The following AMPD3 variants were observed in gnomAD, a reference collection of about 807,000 sequenced individuals.
AMPD3 encodes the protein adenosine monophosphate deaminase 3, also known as AMP deaminase 3.
Under a neutral mutation model 82.3 loss-of-function variants are expected in AMPD3, and 57 were observed. The observed-to-expected ratio is 0.69, with a 90% CI of 0.56 to 0.86. The LOEUF (loss-of-function observed/expected upper bound fraction) is 0.86. Among genes scored for constraint, AMPD3 ranks in the 40% least tolerant of loss-of-function variants. The pLI, the probability that AMPD3 is intolerant of heterozygous loss-of-function variation, is 0.00. For synonymous variants in AMPD3, 381 were observed against 394.7 expected (o/e 0.97, Z 0.41); for missense variants, 870 against 1,003.8 (o/e 0.87, Z 1.80).
rs202241696 is a variant in AMPD3, at chr11:10,456,459, C to T, written c.-6+1011C>T. ...GGCAAGAGTAGGAACCAGCTTCCTT[C>T]GTATAACGAGGGGATTTCAGTGGCA... On this transcript the variant is annotated intron_variant, in intron 1 of 14. Coordinates refer to ENST00000396553, the MANE Select transcript of AMPD3 (RefSeq NM_001025389.2). The surrounding 1 kb of genome is among the most constrained non-coding windows in gnomAD (Gnocchi z 4.3). 4.3e-5 allele frequency: 70 copies of T among 1,613,682 alleles called. No homozygotes were observed. The East Asian group carries it at 4.5e-4, about 10-fold the overall frequency.
rs746322150 is a variant in AMPD3 at position 10,495,030 on chromosome 11, G to A, written c.1266G>A (p.Lys422=). Residue 422 remains lysine (K), a splice_region_variant and synonymous_variant, in exon 8 of 15, where the codon AAG becomes AAA. Coordinates refer to ENST00000396553, the MANE Select transcript of AMPD3 (RefSeq NM_001025389.2). ...LGGEYFARMV[K]EVARELEESK... ...GAGAGTACTTTGCTCGGATGGTCAAGGTGAGTGAACCCTCAGTCTCTCTGA... is the reference window on the plus strand; with the variant it reads ...GAGAGTACTTTGCTCGGATGGTCAAAGTGAGTGAACCCTCAGTCTCTCTGA... The A allele has an allele frequency of 6.8e-6, 11 of 1,614,176 alleles. No homozygotes were observed. The South Asian group carries it at 1.2e-4, about 18-fold the overall frequency.
upstream of AMPD3, among the ~76,000 whole-genome samples, chr11:10,451,205 CT>C (rs1371380814): frequency 6.6e-6 from 1 of 152,230 alleles, no homozygotes; most frequent in African/African-American, 2.4e-5. Context: ...GCCCTGTCCC[CT>C]GTTCCTGTCC....
chr11:10,478,133 C>T (rs1266568849), intron 2 of AMPD3: 10 of 985,436 alleles, frequency 1.0e-5, no homozygotes, highest in Non-Finnish European at 1.1e-5. Flanking sequence ...TTATCTGAAG[C>T]CAGCATGCTG....
At chr11:10,452,741 C>T (rs1847991799), upstream of AMPD3, among the ~76,000 whole-genome samples, 1 of 152,198 alleles carries the variant, frequency 6.6e-6, no homozygotes, top group South Asian at 2.1e-4. Context: ...GCAGATAATG[C>T]TTATAAAACA....
intron 2 of AMPD3, among the ~76,000 whole-genome samples, chr11:10,463,624 G>A (rs1161202508): frequency 1.3e-5 from 2 of 152,214 alleles, no homozygotes; most frequent in Non-Finnish European, 2.9e-5. Context: ...ATAAGTTTCT[G>A]GAACCAGTTT....
At position 10,456,634 on chromosome 11, in the gene AMPD3, C is replaced by A; in HGVS notation, c.-6+1186C>A. 1 of 982,804 alleles carries A rather than the reference C, an allele frequency of 1.0e-6. No individual in the cohort carries two copies. The highest frequency in any genetic ancestry group is 1.2e-6 in the Non-Finnish European group (1 of 827,480). The allele number at this position is 982,804 out of a possible 1,614,324, so 60.9% of individuals were successfully genotyped here. The stretch of plus-strand genomic sequence containing the variant: ...ACAGTGAGATAAGCTGTATCATTGG[C>A]TGACTGATGCTGGTGAATTCACAGC... On this transcript the variant is annotated intron_variant, in intron 1 of 14. Transcript: ENST00000396553. The surrounding 1 kb of genome is among the most constrained non-coding windows in gnomAD (Gnocchi z 4.3).
At chr11:10,486,603 A>G (rs10743142) in intron 5 of AMPD3, 985,060 of 985,362 alleles carry the variant, frequency 1, 492,379 homozygotes, top group Middle Eastern at 1. Context: ...GTCCCAATCC[A>G]CCCATGATGC....
At chr11:10,484,730 G>T in intron 4 of AMPD3, 90 bp from the exon 5 acceptor site, 2 of 1,511,848 alleles carry the variant, frequency 1.3e-6, no homozygotes, top group South Asian at 1.1e-5. Flanking sequence ...ATTTTGGGCA[G>T]GAAGGCCAGC....
intron 10 of AMPD3, 164 bp from the exon 11 acceptor site, chr11:10,499,922 C>T: frequency 6.1e-6 from 6 of 983,274 alleles, no homozygotes; most frequent in Non-Finnish European, 7.2e-6. Flanking sequence ...CTTTTCATCC[C>T]TGGGAGGAAT....
Position 10,504,535 on chromosome 11 carries a change from G to T in AMPD3, c.2017-14G>T, listed in dbSNP as rs751094999. ...TCCCCCCTTCTAATCCACATGCTTTGGGGGAGGATCTAGGAAGCACTTATG... is the reference window on the plus strand; with the variant it reads ...TCCCCCCTTCTAATCCACATGCTTTTGGGGAGGATCTAGGAAGCACTTATG... On this transcript the variant is annotated splice_polypyrimidine_tract_variant and intron_variant, in intron 13 of 14. Coordinates refer to ENST00000396553, the MANE Select transcript of AMPD3 (RefSeq NM_001025389.2). 2 of 1,607,490 alleles carry T rather than the reference G, an allele frequency of 1.2e-6. No homozygotes were observed. The highest frequency in any genetic ancestry group is 2.7e-5 in the African/African-American group (2 of 74,754).
rs544032374 is a variant in AMPD3, at chr11:10,458,317, G to A, written c.-6+2869G>A. ...TGATGCTCCCTCCCTCCCTCCCTTC[G>A]GCAATTAAGGAGGGAGCCCTAATTG... On this transcript the variant is annotated intron_variant, in intron 1 of 14. Transcript: ENST00000396553. Among the ~76,000 whole-genome samples the A allele has an allele frequency of 4.1e-3, 593 of 143,952 alleles. 6 individuals are homozygous for A. The highest frequency in any genetic ancestry group is 0.015 in the African/African-American group (566 of 38,796). The allele number at this position is 143,952 out of a possible 152,430, so 94.4% of individuals were successfully genotyped here.
In AMPD3 at chr11:10,501,601, C is replaced by A. The variant is rs1217860535; in HGVS notation, c.1842+11C>A. ...CTGCTCCTCAAGAAGGTAACCAGGT[C>A]ACTCTCGGGAGCCCGTCCTGAGTGA... On this transcript the variant is annotated intron_variant, in intron 12 of 14. Coordinates refer to ENST00000396553, the MANE Select transcript of AMPD3 (RefSeq NM_001025389.2). 1.2e-6 allele frequency: 2 copies of A among 1,614,182 alleles called. No individual in the cohort carries two copies. The highest frequency in any genetic ancestry group is 2.2e-5 in the South Asian group (2 of 91,072).
In AMPD3 at chr11:10,486,864, A is replaced by C. The variant is rs1337287887; in HGVS notation, c.810-371A>C. The C allele has an allele frequency of 8.1e-6, 8 of 985,312 alleles. No individual in the cohort carries two copies. The African/African-American group carries it at 1.4e-4, about 17-fold the overall frequency. The allele number at this position is 985,312 out of a possible 1,614,324, so 61.0% of individuals were successfully genotyped here. ...CTGAGCATCCACTCTGCTTGGACTC[A>C]GGCCCTTTCCCAGGCATAAACCAGT... On this transcript the variant is annotated intron_variant, in intron 5 of 14. Coordinates refer to ENST00000396553, the MANE Select transcript of AMPD3 (RefSeq NM_001025389.2).
intron 2 of AMPD3, among the ~76,000 whole-genome samples, chr11:10,462,669 C>T (rs1848304672): frequency 6.6e-6 from 1 of 151,910 alleles, no homozygotes; most frequent in Non-Finnish European, 1.5e-5. Context: ...GCAAACAGGC[C>T]CAGGAGCAGC....
At chr11:10,490,691 TAAG>T in intron 6 of AMPD3, 2 of 979,714 alleles carry the variant, frequency 2.0e-6, no homozygotes, top group Non-Finnish European at 2.4e-6. Flanking sequence ...CTCATGGGGG[TAAG>T]GACAGGCTGA....
At chr11:10,497,054 C>T in intron 10 of AMPD3, 116 bp downstream of exon 10, 1 of 1,368,274 alleles carries the variant, frequency 7.3e-7, no homozygotes, top group East Asian at 2.3e-5. Flanking sequence ...GGTCCTGCCA[C>T]CTGTGTTCCA....
intron 5 of AMPD3, 128 bp from the exon 6 acceptor site, chr11:10,487,107 C>G (rs546185729): frequency 5.1e-6 from 8 of 1,568,398 alleles, no homozygotes; most frequent in Non-Finnish European, 7.0e-6. Context: ...AAAGCCAGAA[C>G]CTCCTCATTC....
Position 10,485,341 on chromosome 11 carries a change from G to A in AMPD3, c.809+302G>A, listed in dbSNP as rs192763237. On this transcript the variant is annotated intron_variant, in intron 5 of 14. Transcript: ENST00000396553. ...GGTTCACTGCAACCTCTGCCTCCTG[G>A]GTTGAAGTGATTCTCTTGCCTCAGC... Among the ~76,000 whole-genome samples, 48 of 152,234 alleles carry A rather than the reference G, an allele frequency of 3.2e-4. 2 individuals are homozygous for A. The highest frequency in any genetic ancestry group is 3.4e-3 in the Middle Eastern group (1 of 292).
chr11:10,473,458 G>A, intron 2 of AMPD3: 1 of 985,314 alleles, frequency 1.0e-6, no homozygotes. Context: ...GGCCAGGAGG[G>A]GTTGTGGGGA....
Sources: allele counts gnomAD v4.1 joint callset (sites outside exome capture counted in the v4.1 genomes callset), GRCh38; gene constraint gnomAD v4.1.1; non-coding constraint Gnocchi (gnomAD v3.1); transcripts MANE v1.5; gene names NCBI Gene and HGNC (gene_info 2026-07-23, HGNC 2026-07-21).